Variants in DNAH7 observed in about 807,000 individuals in gnomAD.
The protein encoded by DNAH7 is dynein axonemal heavy chain 7.
In DNAH7, 397 loss-of-function variants were observed where a neutral mutation model predicts 444.6. The observed-to-expected ratio is 0.89, with a 90% CI of 0.82 to 0.97. The LOEUF is 0.97. DNAH7 is among the 50% of genes least tolerant of loss of function. The pLI is 0.00. For missense variants in DNAH7, 4,902 were observed against 4,800.8 expected, an observed-to-expected ratio of 1.02 and a Z score of -0.62; for synonymous variants, 1,636 against 1,624.4, an observed-to-expected ratio of 1.01 and a Z score of -0.17.
chr2:195,964,161 G>GT (rs1258686046), intron 17 of DNAH7, among the ~76,000 whole-genome samples: 2 of 151,998 alleles, frequency 1.3e-5, no homozygotes, highest in Non-Finnish European at 2.9e-5. Flanking sequence ...ATTTAGGAGT[G>GT]TTTTTTCTAT....
At chr2:195,852,911 CACACAGAGAGAG>C (rs1699461049) in intron 46 of DNAH7, among the ~76,000 whole-genome samples, 1 of 125,934 alleles carries the variant, frequency 7.9e-6, no homozygotes, top group African/African-American at 3.4e-5. Context: ...CACACACACA[CACACAGAGAGAG>C]AGAGAGAGAG....
chr2:195,868,001 C>A (rs1226185586), intron 40 of DNAH7, among the ~76,000 whole-genome samples: 3 of 151,662 alleles, frequency 2.0e-5, no homozygotes, highest in Non-Finnish European at 4.4e-5. Flanking sequence ...GATGACCTAC[C>A]AAACTGTTTT....
intron 60 of DNAH7, among the ~76,000 whole-genome samples, chr2:195,773,100 T>A (rs950041885): frequency 6.6e-6 from 1 of 152,176 alleles, no homozygotes; most frequent in African/African-American, 2.4e-5. Context: ...ATTTTAACAC[T>A]ACTTACCACA....
intron 5 of DNAH7, among the ~76,000 whole-genome samples, chr2:196,045,849 A>G (rs1371167927): frequency 6.6e-6 from 1 of 152,138 alleles, no homozygotes; most frequent in Non-Finnish European, 1.5e-5. Flanking sequence ...AATAAGCAAA[A>G]GCAACATATG....
At position 195,957,400 on chromosome 2, in the gene DNAH7, C is replaced by T; in HGVS notation, c.2939G>A (p.Trp980Ter). The change falls in exon 19 of 65, where the codon TGG becomes TAG. Residue 980 changes from tryptophan to a stop codon, truncating the protein, a stop_gained. Coordinates refer to ENST00000312428, the MANE Select transcript of DNAH7 (RefSeq NM_018897.3). LOFTEE classifies it high-confidence loss of function. ...CAGCCACGTGGCTTGGACTTTGAGC[C>T]ATTCATCCAGAATCTCCTGAAGCAG... ...LLLLQEILDE[W>*]LKVQATWLYL... 1 of 1,598,228 alleles carries T rather than the reference C, an allele frequency of 6.3e-7. No homozygotes were observed. Among genetic ancestry groups the T allele is most frequent in the Non-Finnish European group, 8.6e-7 (1 of 1,168,372 alleles).
intron 24 of DNAH7, among the ~76,000 whole-genome samples, chr2:195,914,158 A>G (rs898437884): frequency 4.6e-5 from 7 of 152,298 alleles, no homozygotes; most frequent in Non-Finnish European, 1.5e-5. Context: ...CTGTATTGTA[A>G]TTGTTTTTTA....
At chr2:195,820,733 G>C (rs998501671) in intron 49 of DNAH7, among the ~76,000 whole-genome samples, 9 of 151,958 alleles carry the variant, frequency 5.9e-5, no homozygotes, top group African/African-American at 2.2e-4. Context: ...ATGCCATTTT[G>C]GCATACCGAA....
intron 49 of DNAH7, among the ~76,000 whole-genome samples, chr2:195,823,367 C>T (rs1241802140): frequency 1.3e-5 from 2 of 152,134 alleles, no homozygotes; most frequent in East Asian, 1.9e-4. Flanking sequence ...TCACACAATT[C>T]GGTCACTTTG....
At chr2:195,862,731 T>C (rs148738002) in intron 41 of DNAH7, among the ~76,000 whole-genome samples, 27 of 152,294 alleles carry the variant, frequency 1.8e-4, no homozygotes, top group Non-Finnish European at 2.2e-4. Flanking sequence ...CTTTCCAGTT[T>C]CCTCTTCAAA....
At chr2:195,849,604 A>C (rs1212835896) in intron 46 of DNAH7, among the ~76,000 whole-genome samples, 2 of 151,712 alleles carry the variant, frequency 1.3e-5, no homozygotes, top group African/African-American at 4.8e-5. Flanking sequence ...TTAATTTTTT[A>C]ATTATTATTT....
chr2:195,920,745 T>C (rs1011814463), intron 24 of DNAH7, among the ~76,000 whole-genome samples: 8 of 152,184 alleles, frequency 5.3e-5, no homozygotes, highest in Non-Finnish European at 8.8e-5. Context: ...AAAAAGCTTC[T>C]GCACATCAAA....
rs950819153 is a variant in DNAH7 at position 195,964,427 on chromosome 2, T to A, written c.2206-3482A>T. 3.9e-5 allele frequency among the ~76,000 whole-genome samples: 6 copies of A among 152,206 alleles called. 1 individual carries two copies. In the East Asian group the frequency reaches 5.8e-4, roughly 15 times the overall value. ...TATTGTAAATGGGATTACTTTTATT[T>A]CTTTTTCAGATTGTCCACCTTTGGT... is the stretch of plus-strand genomic sequence containing the variant. On this transcript the variant is annotated intron_variant, in intron 17 of 64. Coordinates refer to ENST00000312428, the MANE Select transcript of DNAH7 (RefSeq NM_018897.3).
intron 63 of DNAH7, among the ~76,000 whole-genome samples, chr2:195,744,241 C>T (rs1693236167): frequency 6.6e-6 from 1 of 152,242 alleles, no homozygotes; most frequent in African/African-American, 2.4e-5. Context: ...GGGCCTACGC[C>T]CACGGAGTCT....
intron 1 of DNAH7, among the ~76,000 whole-genome samples, chr2:196,062,261 T>C (rs183930813): frequency 2.0e-4 from 30 of 152,288 alleles, no homozygotes; most frequent in Non-Finnish European, 2.9e-4. Flanking sequence ...TCTTCCTCCT[T>C]GCCCAATTTA....
At chr2:195,965,417 C>T (rs1240840789) in intron 17 of DNAH7, among the ~76,000 whole-genome samples, 2 of 151,990 alleles carry the variant, frequency 1.3e-5, no homozygotes, top group Non-Finnish European at 2.9e-5. Flanking sequence ...GGGATATTGG[C>T]CTAAAGTTTT....
chr2:196,021,148 T>C (rs1695356405), intron 8 of DNAH7, among the ~76,000 whole-genome samples: 1 of 152,170 alleles, frequency 6.6e-6, no homozygotes, highest in South Asian at 2.1e-4. Context: ...AAAATCAAGC[T>C]TTTATGCCCC....
At chr2:196,063,079 G>A (rs775432081) in intron 1 of DNAH7, among the ~76,000 whole-genome samples, 5 of 151,980 alleles carry the variant, frequency 3.3e-5, no homozygotes, top group Non-Finnish European at 5.9e-5. Flanking sequence ...ATGGGGTTTC[G>A]CTACGTTAGC....
In DNAH7 at chr2:195,864,939, T is replaced by C. The variant is rs776509669; in HGVS notation, c.6716A>G (p.Asn2239Ser). The C allele has an allele frequency of 3.0e-5, 49 of 1,610,484 alleles. No individual in the cohort carries two copies. Among genetic ancestry groups the C allele is most frequent in the Non-Finnish European group, 4.0e-5 (47 of 1,179,978 alleles). Reference protein sequence around the residue: ...LINYIQEILRNYMYEDFHELF... With the variant: ...LINYIQEILRSYMYEDFHELF... ...CTCATGAAAATCTTCATACATGTAG[T>C]TTCTCAAAATTTCTTGAATGTAGTT... Residue 2239 changes from asparagine (N) to serine (S), a missense_variant, in exon 41 of 65, where the codon AAC (asparagine) becomes AGC (serine). Transcript: ENST00000312428.
intron 47 of DNAH7, among the ~76,000 whole-genome samples, chr2:195,836,672 A>G (rs1698390884): frequency 6.6e-6 from 1 of 152,192 alleles, no homozygotes; most frequent in African/African-American, 2.4e-5. Flanking sequence ...AAATCACTCT[A>G]AAGAGAGTGA....
Sources: gnomAD v4.1 joint callset for allele counts (sites outside exome capture counted in the v4.1 genomes callset) on GRCh38, gnomAD v4.1.1 for gene constraint, MANE v1.5 for transcripts, NCBI Gene and HGNC (gene_info 2026-07-23, HGNC 2026-07-21) for gene names.